Variants in CADM2 observed in about 807,000 individuals in gnomAD.
CADM2 encodes cell adhesion molecule 2.
A neutral mutation model predicts 49.8 loss-of-function variants in CADM2; 12 were observed. The observed-to-expected ratio is 0.24, with a 90% CI of 0.15 to 0.39. The LOEUF is 0.39. Ranked by LOEUF, CADM2 falls within the 10% of genes least tolerant of loss-of-function variation. CADM2 has a pLI of 1.00. For synonymous variants in CADM2, 214 were observed against 175.4 expected (o/e 1.22, Z -1.74); for missense variants, 378 against 492.3 (o/e 0.77, Z 2.20).
At chr3:85,711,695 T>G (rs1001070990) in intron 1 of CADM2, among the ~76,000 whole-genome samples, 4 of 152,174 alleles carry the variant, frequency 2.6e-5, no homozygotes, top group Non-Finnish European at 5.9e-5. Flanking sequence ...TCATTTTAAA[T>G]ATGGCTATTA....
intron 1 of CADM2, among the ~76,000 whole-genome samples, chr3:85,536,111 G>A (rs910845388): frequency 6.6e-6 from 1 of 151,898 alleles, no homozygotes; most frequent in African/African-American, 2.4e-5. Context: ...GAAAACATAT[G>A]GAAAGGAAAT....
chr3:86,059,700 C>T (rs914417914), intron 8 of CADM2, among the ~76,000 whole-genome samples: 1 of 152,062 alleles, frequency 6.6e-6, no homozygotes, highest in African/African-American at 2.4e-5. Flanking sequence ...CTTTTTATTG[C>T]TATGAAATAG....
At chr3:85,737,055 C>T (rs2068169011) in intron 2 of CADM2, among the ~76,000 whole-genome samples, 1 of 152,158 alleles carries the variant, frequency 6.6e-6, no homozygotes, top group African/African-American at 2.4e-5. Flanking sequence ...TGTTATTCTT[C>T]ATTTATCTTC....
intron 1 of CADM2, among the ~76,000 whole-genome samples, chr3:85,031,691 T>C (rs1203686597): frequency 6.6e-6 from 1 of 151,478 alleles, no homozygotes; most frequent in Non-Finnish European, 1.5e-5. Flanking sequence ...ATTTTTTGTG[T>C]ATTTTTTTTT....
intron 8 of CADM2, among the ~76,000 whole-genome samples, chr3:86,057,728 G>A (rs1355732460): frequency 1.3e-5 from 2 of 152,060 alleles, no homozygotes; most frequent in Non-Finnish European, 2.9e-5. Context: ...ACTGTTGTTC[G>A]GACTTTGCAT....
intron 1 of CADM2, among the ~76,000 whole-genome samples, chr3:85,058,861 T>G (rs1168004799): frequency 6.6e-6 from 1 of 152,098 alleles, no homozygotes; most frequent in Non-Finnish European, 1.5e-5. Context: ...TAGAAATATA[T>G]AGCATTTATA....
intron 8 of CADM2, among the ~76,000 whole-genome samples, chr3:85,996,908 T>G (rs1045565580): frequency 6.6e-6 from 1 of 152,226 alleles, no homozygotes; most frequent in Admixed American, 6.5e-5. Flanking sequence ...TTGAAATTCC[T>G]GTTCTTACAC....
intron 1 of CADM2, among the ~76,000 whole-genome samples, chr3:85,489,965 C>T (rs1025351811): frequency 1.3e-5 from 2 of 151,962 alleles, no homozygotes; most frequent in Non-Finnish European, 2.9e-5. Context: ...TGATCAAACC[C>T]AATATTTTTG....
chr3:85,809,961 A>G (rs1011667609), intron 3 of CADM2, among the ~76,000 whole-genome samples: 1 of 151,944 alleles, frequency 6.6e-6, no homozygotes. Context: ...TGCATATTGA[A>G]TCGTGTTCCC....
intron 1 of CADM2, among the ~76,000 whole-genome samples, chr3:85,097,670 G>A (rs1030314376): frequency 1.3e-5 from 2 of 152,154 alleles, no homozygotes; most frequent in African/African-American, 4.8e-5. Flanking sequence ...TCCTTTGATT[G>A]GACATACAGC....
intron 1 of CADM2, among the ~76,000 whole-genome samples, chr3:85,146,595 G>GT (rs1269928268): frequency 1.3e-5 from 2 of 152,088 alleles, no homozygotes; most frequent in Non-Finnish European, 2.9e-5. Context: ...TAATTACTCT[G>GT]TTGTCACATG....
At position 85,749,100 on chromosome 3, in the gene CADM2, G is replaced by T. The variant is rs74712416; in HGVS notation, c.88+22552G>T. Among the ~76,000 whole-genome samples the T allele has an allele frequency of 3.2e-4, 48 of 151,802 alleles. 3 individuals are homozygous for T. The East Asian group carries it at 9.3e-3, about 29-fold the overall frequency. On this transcript the variant is annotated intron_variant, in intron 2 of 9. Coordinates refer to ENST00000383699, the MANE Select transcript of CADM2 (RefSeq NM_001167675.2). ...TATGCCACCTACAAGGAACAGATTT[G>T]CACAATACTCCTTATCATTAGTAAA...
chr3:85,479,098 C>T (rs1173136740), intron 1 of CADM2, among the ~76,000 whole-genome samples: 1 of 151,832 alleles, frequency 6.6e-6, no homozygotes, highest in Non-Finnish European at 1.5e-5. Context: ...CATGCAACAT[C>T]ATGCCTGGCT....
At chr3:85,951,778 A>G (rs925784191) in intron 7 of CADM2, among the ~76,000 whole-genome samples, 3 of 151,018 alleles carry the variant, frequency 2.0e-5, no homozygotes, top group African/African-American at 7.3e-5. Context: ...AACAAACATC[A>G]TTTACCTTCT....
intron 4 of CADM2, among the ~76,000 whole-genome samples, chr3:85,883,740 T>C (rs1713156290): frequency 6.6e-6 from 1 of 152,200 alleles, no homozygotes; most frequent in Non-Finnish European, 1.5e-5. Context: ...TTCTTTTTTA[T>C]CAAATAATCT....
At chr3:85,667,833 G>A (rs1217433083) in intron 1 of CADM2, among the ~76,000 whole-genome samples, 1 of 151,954 alleles carries the variant, frequency 6.6e-6, no homozygotes, top group Non-Finnish European at 1.5e-5. Context: ...GCATCCATAC[G>A]ATGGAACTCA....
chr3:85,094,802 T>G (rs2037732478), intron 1 of CADM2, among the ~76,000 whole-genome samples: 1 of 152,152 alleles, frequency 6.6e-6, no homozygotes, highest in South Asian at 2.1e-4. Context: ...GGTACAAGGT[T>G]GGAAAGCCAT....
intron 1 of CADM2, among the ~76,000 whole-genome samples, chr3:85,310,964 T>C (rs1460729884): frequency 6.6e-6 from 1 of 152,180 alleles, no homozygotes; most frequent in Non-Finnish European, 1.5e-5. Context: ...TTCTAAACTA[T>C]GCTAGAGGCC....
At chr3:85,207,802 T>G (rs1216809333) in intron 1 of CADM2, among the ~76,000 whole-genome samples, 1 of 152,178 alleles carries the variant, frequency 6.6e-6, no homozygotes, top group African/African-American at 2.4e-5. Flanking sequence ...TTATGCTGTT[T>G]TTATAAGGTC....
Sources: allele counts gnomAD v4.1 joint callset (sites outside exome capture counted in the v4.1 genomes callset), GRCh38; gene constraint gnomAD v4.1.1; transcripts MANE v1.5; gene names NCBI Gene and HGNC (gene_info 2026-07-23, HGNC 2026-07-21).